The following MAN1C1 variants were observed in gnomAD, a reference collection of about 807,000 sequenced individuals.
MAN1C1 encodes the protein mannosyl-oligosaccharide 1,2-alpha-mannosidase IC.
MAN1C1 carries 49 observed loss-of-function variants against 71.5 expected under a neutral mutation model. The ratio of observed to expected loss-of-function variants is 0.69; its 90% confidence interval spans 0.54 to 0.87. MAN1C1 has a LOEUF of 0.87. MAN1C1 is among the 40% of genes least tolerant of loss of function. The pLI, the probability that MAN1C1 is intolerant of heterozygous loss-of-function variation, is 0.00. For missense variants in MAN1C1, 743 were observed against 835.0 expected (o/e 0.89, Z 1.36); for synonymous variants, 352 against 343.7 (o/e 1.02, Z -0.27).
At chr1:25,759,506 C>T (rs754370181) in intron 6 of MAN1C1, 2 of 152,162 alleles carry the variant, frequency 1.3e-5, no homozygotes, top group Non-Finnish European at 2.9e-5. Context: ...CTGGAATGCC[C>T]GCCTCTTAGA....
At chr1:25,668,191 A>C (rs1244718311) in intron 1 of MAN1C1, among the ~76,000 whole-genome samples, 1 of 152,112 alleles carries the variant, frequency 6.6e-6, no homozygotes, top group Non-Finnish European at 1.5e-5. Flanking sequence ...CATTTTTTTC[A>C]GATATTTATT....
At chr1:25,780,770 G>T (rs2047681546) in intron 9 of MAN1C1, 170 bp from the exon 10 acceptor site, 2 of 640,360 alleles carry the variant, frequency 3.1e-6, no homozygotes, top group South Asian at 1.9e-5. Flanking sequence ...GGGAAGCTGT[G>T]CATCTGCCCG....
chr1:25,681,953 TTA>T (rs1491142486), intron 1 of MAN1C1, among the ~76,000 whole-genome samples: 2 of 143,576 alleles, frequency 1.4e-5, no homozygotes, highest in Admixed American at 6.7e-5. Flanking sequence ...CCTATTTGCC[TTA>T]AAAAAAAAAA....
At chr1:25,748,648 C>A (rs1298660746) in intron 3 of MAN1C1, among the ~76,000 whole-genome samples, 1 of 152,220 alleles carries the variant, frequency 6.6e-6, no homozygotes, top group East Asian at 1.9e-4. Context: ...TGCTCCAGCA[C>A]CCCTGATTTG....
intron 2 of MAN1C1, among the ~76,000 whole-genome samples, chr1:25,741,989 G>C (rs891837238): frequency 6.6e-6 from 1 of 152,200 alleles, no homozygotes; most frequent in Admixed American, 6.5e-5. Flanking sequence ...ACCTCAAGGG[G>C]CTCACAGTCT....
intron 1 of MAN1C1, among the ~76,000 whole-genome samples, chr1:25,627,473 C>T (rs2045314970): frequency 6.6e-6 from 1 of 150,384 alleles, no homozygotes; most frequent in African/African-American, 2.4e-5. Context: ...CGGGGTTTTG[C>T]CATGTTAGCT....
intron 5 of MAN1C1, 145 bp from the exon 6 acceptor site, chr1:25,758,447 G>A: frequency 1.5e-6 from 1 of 675,502 alleles, no homozygotes; most frequent in South Asian, 1.7e-5. Flanking sequence ...GGGCCAGGGA[G>A]GATTCACTGA....
intron 1 of MAN1C1, among the ~76,000 whole-genome samples, chr1:25,635,438 C>T (rs867946059): frequency 9.9e-5 from 13 of 131,482 alleles, no homozygotes; most frequent in African/African-American, 1.7e-4. Context: ...TTCTTTCTTT[C>T]TTTTTTTTTT....
intron 1 of MAN1C1, among the ~76,000 whole-genome samples, chr1:25,642,280 C>A (rs573716758): frequency 6.6e-6 from 1 of 152,256 alleles, no homozygotes; most frequent in South Asian, 2.1e-4. Context: ...AGCCGGTGGT[C>A]ATCTGTAAAA....
intron 2 of MAN1C1, among the ~76,000 whole-genome samples, chr1:25,708,351 G>T (rs1008132366): frequency 3.3e-5 from 5 of 152,184 alleles, no homozygotes; most frequent in African/African-American, 1.2e-4. Flanking sequence ...CTTTTAGCAT[G>T]CTAATATATT....
intron 11 of MAN1C1, among the ~76,000 whole-genome samples, chr1:25,783,065 C>G (rs564674407): frequency 6.6e-6 from 1 of 152,308 alleles, no homozygotes; most frequent in African/African-American, 2.4e-5. Context: ...ACTTTCCCTC[C>G]TGTGGCCTCT....
chr1:25,783,789 AC>A lies in MAN1C1; in HGVS notation c.*4del, dbSNP rs1245977083. ...CCGGCAGAGCCTGGGGCAGACACTGACCCCATCTCCTGCCGCCGCCCTGGGG... is the reference window on the plus strand; with the variant it reads ...CCGGCAGAGCCTGGGGCAGACACTGACCCATCTCCTGCCGCCGCCCTGGGG... On this transcript the variant is annotated 3_prime_UTR_variant, in exon 12 of 12. Transcript: ENST00000374332. The A allele has an allele frequency of 6.2e-7, 1 of 1,609,826 alleles. No homozygotes were observed. The highest frequency in any genetic ancestry group is 8.5e-7 in the Non-Finnish European group (1 of 1,179,750).
chr1:25,678,796 A>G (rs911993251), intron 1 of MAN1C1, among the ~76,000 whole-genome samples: 3 of 152,224 alleles, frequency 2.0e-5, no homozygotes, highest in African/African-American at 7.2e-5. Flanking sequence ...ATAAAATTGG[A>G]ATATGTCATA....
intron 1 of MAN1C1, among the ~76,000 whole-genome samples, chr1:25,666,674 T>G (rs981912210): frequency 6.6e-6 from 1 of 152,240 alleles, no homozygotes; most frequent in Non-Finnish European, 1.5e-5. Flanking sequence ...TCTTTTCAGC[T>G]GCTGTGCTCA....
intron 2 of MAN1C1, among the ~76,000 whole-genome samples, chr1:25,734,442 T>C (rs1170077655): frequency 2.0e-5 from 3 of 152,236 alleles, no homozygotes; most frequent in Non-Finnish European, 2.9e-5. Flanking sequence ...TGATAGAGTT[T>C]TTAAAAGATG....
intron 2 of MAN1C1, among the ~76,000 whole-genome samples, chr1:25,721,958 C>T (rs1438762796): frequency 6.6e-6 from 1 of 152,122 alleles, no homozygotes; most frequent in African/African-American, 2.4e-5. Flanking sequence ...CCAGTAGCTT[C>T]CTGGAAAAGT....
At chr1:25,638,193 G>C (rs1036075214) in intron 1 of MAN1C1, among the ~76,000 whole-genome samples, 1 of 151,942 alleles carries the variant, frequency 6.6e-6, no homozygotes, top group Non-Finnish European at 1.5e-5. Flanking sequence ...TACACACACA[G>C]AGAAACATAC....
intron 1 of MAN1C1, among the ~76,000 whole-genome samples, chr1:25,677,716 G>A (rs1310645773): frequency 6.6e-6 from 1 of 151,974 alleles, no homozygotes; most frequent in African/African-American, 2.4e-5. Flanking sequence ...ATAAAATGTG[G>A]CTTTGAGAAT....
At chr1:25,621,919 G>A (rs984699888) in intron 1 of MAN1C1, among the ~76,000 whole-genome samples, 4 of 152,114 alleles carry the variant, frequency 2.6e-5, no homozygotes, top group Non-Finnish European at 4.4e-5. Context: ...ACGAGCCACC[G>A]CGCCTGGCCA....
Sources: allele counts gnomAD v4.1 joint callset (sites outside exome capture counted in the v4.1 genomes callset), GRCh38; gene constraint gnomAD v4.1.1; transcripts MANE v1.5; gene names NCBI Gene and HGNC (gene_info 2026-07-23, HGNC 2026-07-21).